FMN1: variants seen among roughly 807,000 people sequenced by gnomAD.
The protein encoded by FMN1 is formin 1.
A neutral mutation model predicts 132.4 loss-of-function variants in FMN1; 110 were observed. That is an observed-to-expected ratio of 0.83 (90% CI 0.71 to 0.97). FMN1 has a LOEUF of 0.97. Among genes scored for constraint, FMN1 ranks in the 50% least tolerant of loss-of-function variants. The probability of loss-of-function intolerance (pLI) is 0.00; values close to 1 mark genes in which losing one functional copy is unlikely to be tolerated. For missense variants in FMN1, 1,792 were observed against 1,705.3 expected (o/e 1.05, Z -0.90); for synonymous variants, 722 against 651.7 (o/e 1.11, Z -1.64).
intron 4 of FMN1, among the ~76,000 whole-genome samples, chr15:33,129,503 C>T (rs748293631): frequency 2.0e-5 from 3 of 152,308 alleles, no homozygotes; most frequent in South Asian, 2.1e-4. Flanking sequence ...TTTCAACTGA[C>T]AGGTTAAACT....
At chr15:32,987,948 C>T (rs1198397876) in intron 7 of FMN1, among the ~76,000 whole-genome samples, 1 of 151,562 alleles carries the variant, frequency 6.6e-6, no homozygotes, top group Non-Finnish European at 1.5e-5. Flanking sequence ...TTTCTCAGTA[C>T]TGGTGTTTTA....
intron 16 of FMN1, among the ~76,000 whole-genome samples, chr15:32,881,768 A>C (rs978230258): frequency 6.6e-6 from 1 of 152,162 alleles, no homozygotes; most frequent in Non-Finnish European, 1.5e-5. Flanking sequence ...GCTGGTCTTG[A>C]GCACAGGAAG....
At position 33,153,703 on chromosome 15, in the gene FMN1, G is replaced by A; in HGVS notation, c.1212C>T (p.Ala404=). Residue 404 remains alanine, a synonymous_variant, in exon 4 of 21, where the codon GCC becomes GCT. Transcript: ENST00000616417. Reference sequence around the variant, plus strand: ...CACTGGCCGACACACTAGAAATGGAGGCTGTTTCCCCGGCTGGCGACTGCG... The same window carrying A: ...CACTGGCCGACACACTAGAAATGGAAGCTGTTTCCCCGGCTGGCGACTGCG... ...RSSQSPAGET[A]SISSVSASAE... is the part of the protein sequence containing the mutation. 2 of 1,536,394 alleles carry A rather than the reference G, an allele frequency of 1.3e-6. No homozygotes were observed. Among genetic ancestry groups the A allele is most frequent in the Non-Finnish European group, 1.7e-6 (2 of 1,146,980 alleles).
intron 16 of FMN1, among the ~76,000 whole-genome samples, chr15:32,866,529 C>T (rs902127654): frequency 4.6e-5 from 7 of 152,190 alleles, no homozygotes; most frequent in African/African-American, 1.7e-4. Flanking sequence ...CCAAGAAGAG[C>T]TAAACAATAA....
At chr15:32,873,961 A>G (rs1224943265) in intron 16 of FMN1, among the ~76,000 whole-genome samples, 4 of 143,984 alleles carry the variant, frequency 2.8e-5, no homozygotes, top group Admixed American at 6.9e-5. Context: ...TTTTATTTTT[A>G]CTCCATTTCA....
At chr15:33,046,210 T>G (rs1158889500) in intron 6 of FMN1, among the ~76,000 whole-genome samples, 1 of 152,180 alleles carries the variant, frequency 6.6e-6, no homozygotes, top group South Asian at 2.1e-4. Flanking sequence ...CCTTAATATC[T>G]GGAAAACTGA....
intron 17 of FMN1, among the ~76,000 whole-genome samples, chr15:32,806,322 C>A (rs1309030540): frequency 1.3e-5 from 2 of 152,116 alleles, no homozygotes; most frequent in South Asian, 2.1e-4. Flanking sequence ...TTAGTTAAGA[C>A]CAAATGCTTA....
At chr15:32,940,326 G>T (rs1027673100) in intron 9 of FMN1, among the ~76,000 whole-genome samples, 2 of 151,990 alleles carry the variant, frequency 1.3e-5, no homozygotes, top group Admixed American at 6.6e-5. Flanking sequence ...CTGAAAGGCA[G>T]ACAGTCCAAT....
At chr15:32,813,983 T>C (rs192570179) in intron 17 of FMN1, among the ~76,000 whole-genome samples, 148 of 152,306 alleles carry the variant, frequency 9.7e-4, no homozygotes, top group Admixed American at 2.2e-3. Flanking sequence ...ACATCTTCCA[T>C]AGGAATAGAT....
intron 7 of FMN1, among the ~76,000 whole-genome samples, chr15:32,977,188 A>G (rs893994712): frequency 1.3e-5 from 2 of 152,222 alleles, no homozygotes; most frequent in Non-Finnish European, 1.5e-5. Flanking sequence ...CTGTGAGAAT[A>G]CTGGTATTGT....
At position 32,886,919 on chromosome 15, in the gene FMN1, A is replaced by G. The variant is rs182712432; in HGVS notation, c.3835+1253T>C. ...CCGCCAATTCTTCAGGAGACAGAAAATAACGACCGCAAGTTCACATATCGC... is the reference window on the plus strand; with the variant it reads ...CCGCCAATTCTTCAGGAGACAGAAAGTAACGACCGCAAGTTCACATATCGC... On this transcript the variant is annotated intron_variant, in intron 16 of 20. Transcript: ENST00000616417. Among the ~76,000 whole-genome samples the G allele has an allele frequency of 9.4e-4, 143 of 152,344 alleles. 2 individuals are homozygous for G. The highest frequency in any genetic ancestry group is 2.9e-3 in the African/African-American group (122 of 41,584).
At chr15:33,072,326 G>A (rs2038030748) in intron 5 of FMN1, among the ~76,000 whole-genome samples, 1 of 152,126 alleles carries the variant, frequency 6.6e-6, no homozygotes, top group Non-Finnish European at 1.5e-5. Flanking sequence ...TCCTGTAAGT[G>A]GATTCCCAGA....
At chr15:32,900,558 G>A (rs762629908) in intron 13 of FMN1, among the ~76,000 whole-genome samples, 13 of 152,226 alleles carry the variant, frequency 8.5e-5, no homozygotes, top group Non-Finnish European at 1.9e-4. Flanking sequence ...ACAGTTAAAT[G>A]CAGAGCAGAT....
At chr15:32,965,768 A>C (rs1316723764) in intron 8 of FMN1, among the ~76,000 whole-genome samples, 1 of 152,150 alleles carries the variant, frequency 6.6e-6, no homozygotes, top group Non-Finnish European at 1.5e-5. Context: ...CCAATAGTTG[A>C]ACCATGTAAT....
intron 17 of FMN1, among the ~76,000 whole-genome samples, chr15:32,848,444 G>C (rs997744409): frequency 6.6e-6 from 1 of 152,202 alleles, no homozygotes; most frequent in Non-Finnish European, 1.5e-5. Flanking sequence ...CCATTAGATA[G>C]AGCCATCTAG....
chr15:32,993,358 T>C (rs1024150659), intron 7 of FMN1, among the ~76,000 whole-genome samples: 3 of 152,200 alleles, frequency 2.0e-5, no homozygotes, highest in Non-Finnish European at 4.4e-5. Context: ...TTAAATTATG[T>C]CTAAAGGATC....
At chr15:33,019,343 C>A (rs2035281675) in intron 6 of FMN1, among the ~76,000 whole-genome samples, 1 of 152,146 alleles carries the variant, frequency 6.6e-6, no homozygotes, top group African/African-American at 2.4e-5. Flanking sequence ...TACAGAGTGC[C>A]AATTGGTGCA....
intron 17 of FMN1, among the ~76,000 whole-genome samples, chr15:32,853,073 G>C (rs758435530): frequency 1.3e-5 from 2 of 152,126 alleles, no homozygotes; most frequent in Non-Finnish European, 2.9e-5. Context: ...TGTATAGCAG[G>C]GCGGTAACAG....
chr15:33,188,744 A>G (rs1291894206), intron 2 of FMN1, among the ~76,000 whole-genome samples: 1 of 151,906 alleles, frequency 6.6e-6, no homozygotes. Flanking sequence ...GACTGCCTTC[A>G]TTTTCGTAGG....
Sources: gnomAD v4.1 joint callset for allele counts (sites outside exome capture counted in the v4.1 genomes callset) on GRCh38, gnomAD v4.1.1 for gene constraint, MANE v1.5 for transcripts, NCBI Gene and HGNC (gene_info 2026-07-23, HGNC 2026-07-21) for gene names.